The following RGS7 variants were observed in gnomAD, a reference collection of about 807,000 sequenced individuals.
The protein encoded by RGS7 is regulator of G protein signaling 7.
Under a neutral mutation model 81.1 loss-of-function variants are expected in RGS7, and 27 were observed. That is an observed-to-expected ratio of 0.33 (90% CI 0.25 to 0.46). The LOEUF is 0.46. Among genes scored for constraint, RGS7 ranks in the 20% least tolerant of loss-of-function variants. The pLI, the probability that RGS7 is intolerant of heterozygous loss-of-function variation, is 1.00. For missense variants in RGS7, 396 were observed against 607.4 expected, an observed-to-expected ratio of 0.65 and a Z score of 3.66; for synonymous variants, 208 against 207.7, an observed-to-expected ratio of 1.00 and a Z score of -0.01.
chr1:241,217,053 G>T (rs1573180058), intron 2 of RGS7, among the ~76,000 whole-genome samples: 1 of 152,300 alleles, frequency 6.6e-6, no homozygotes, highest in Admixed American at 6.5e-5. Flanking sequence ...ATATGTTGAA[G>T]TTCTAACCTC....
At chr1:241,084,077 A>C (rs2063300376) in intron 3 of RGS7, among the ~76,000 whole-genome samples, 1 of 152,232 alleles carries the variant, frequency 6.6e-6, no homozygotes, top group Admixed American at 6.5e-5. Flanking sequence ...AAAACAATTA[A>C]ATGCAGACTG....
intron 9 of RGS7, among the ~76,000 whole-genome samples, chr1:240,863,663 T>TA (rs1662672718): frequency 6.6e-6 from 1 of 152,112 alleles, no homozygotes; most frequent in East Asian, 1.9e-4. Flanking sequence ...ACATGTTAGT[T>TA]GGATTCCCCT....
At chr1:240,803,940 G>GT (rs1427511972) in intron 15 of RGS7, among the ~76,000 whole-genome samples, 2 of 151,804 alleles carry the variant, frequency 1.3e-5, no homozygotes, top group Non-Finnish European at 2.9e-5. Context: ...ATAATTTGAA[G>GT]TTACTTTAAA....
chr1:241,238,376 C>T (rs1277884560), intron 2 of RGS7, among the ~76,000 whole-genome samples: 1 of 152,116 alleles, frequency 6.6e-6, no homozygotes, highest in Non-Finnish European at 1.5e-5. Flanking sequence ...TGCAACCCAC[C>T]ATCTGAGTCC....
chr1:240,988,133 G>A (rs897812178), intron 3 of RGS7, among the ~76,000 whole-genome samples: 3 of 151,432 alleles, frequency 2.0e-5, no homozygotes, highest in South Asian at 2.1e-4. Context: ...ACAGATCATC[G>A]TTAAATGTTT....
chr1:241,168,967 T>C (rs1460589401), intron 2 of RGS7, among the ~76,000 whole-genome samples: 1 of 152,172 alleles, frequency 6.6e-6, no homozygotes, highest in African/African-American at 2.4e-5. Context: ...CTCAGAGCCT[T>C]CACATAAGAA....
At chr1:240,867,542 A>G (rs534692859) in intron 9 of RGS7, among the ~76,000 whole-genome samples, 1 of 152,302 alleles carries the variant, frequency 6.6e-6, no homozygotes, top group South Asian at 2.1e-4. Flanking sequence ...ATTCATTAAT[A>G]TTACTCTGAG....
intron 2 of RGS7, among the ~76,000 whole-genome samples, chr1:241,206,618 T>C (rs904822993): frequency 3.3e-5 from 5 of 152,212 alleles, no homozygotes; most frequent in African/African-American, 1.2e-4. Context: ...AACTGCCATC[T>C]ATGTGCCCAA....
intron 6 of RGS7, among the ~76,000 whole-genome samples, chr1:240,905,221 T>C (rs1345721528): frequency 6.6e-6 from 1 of 152,228 alleles, no homozygotes; most frequent in Non-Finnish European, 1.5e-5. Context: ...AAAAAAATCT[T>C]ATGTTCCATG....
Position 241,159,322 on chromosome 1 carries a change from ACTC to A in RGS7, c.79-60563_79-60561del, listed in dbSNP as rs2069439208. Among the ~76,000 whole-genome samples, 3 of 151,396 alleles carry A rather than the reference ACTC, an allele frequency of 2.0e-5. No homozygotes were observed. The South Asian group carries it at 6.3e-4, about 32-fold the overall frequency. On this transcript the variant is annotated intron_variant, in intron 2 of 18. Coordinates refer to ENST00000440928, the MANE Select transcript of RGS7 (RefSeq NM_001364886.1). The stretch of plus-strand genomic sequence containing the variant: ...TGTCTTCCTACACACTAAAGCCCTT[ACTC>A]CTCCTAATCGCCATGTTTTCATTAT...
In RGS7 at chr1:241,195,476, A is replaced by AAAAT. The variant is rs59191728; in HGVS notation, c.79-96718_79-96715dup. Reference sequence around the variant, plus strand: ...GGGTGAAAAGAGCAAGACTCCATCTAAAATAAATAAATAAATAAATAAATA... The same window carrying AAAAT: ...GGGTGAAAAGAGCAAGACTCCATCTAAAATAAATAAATAAATAAATAAATAAATA... On this transcript the variant is annotated intron_variant, in intron 2 of 18. Coordinates refer to ENST00000440928, the MANE Select transcript of RGS7 (RefSeq NM_001364886.1). 3.6e-3 allele frequency among the ~76,000 whole-genome samples: 549 copies of AAAAT among 152,020 alleles called. 1 individual carries two copies. Among genetic ancestry groups the AAAAT allele is most frequent in the Middle Eastern group, 0.014 (4 of 294 alleles).
chr1:241,068,830 C>T (rs2062251296), intron 3 of RGS7, among the ~76,000 whole-genome samples: 1 of 152,138 alleles, frequency 6.6e-6, no homozygotes, highest in African/African-American at 2.4e-5. Context: ...GAGGCGGGGC[C>T]TGTTGGGAGG....
intron 18 of RGS7, among the ~76,000 whole-genome samples, chr1:240,779,184 G>A (rs543613912): frequency 2.0e-5 from 3 of 151,508 alleles, no homozygotes; most frequent in Non-Finnish European, 4.4e-5. Context: ...GCGCAATCTC[G>A]GGTCACTGCA....
At chr1:241,334,582 G>A (rs1051104763) in intron 2 of RGS7, among the ~76,000 whole-genome samples, 1 of 152,048 alleles carries the variant, frequency 6.6e-6, no homozygotes, top group African/African-American at 2.4e-5. Context: ...TACCTTGCAG[G>A]GCAATACAGT....
intron 2 of RGS7, among the ~76,000 whole-genome samples, chr1:241,199,449 A>G (rs1434088445): frequency 6.6e-6 from 1 of 152,134 alleles, no homozygotes; most frequent in Non-Finnish European, 1.5e-5. Flanking sequence ...TTTATTTAGT[A>G]AACAGTATCT....
chr1:240,936,809 G>A (rs1433801001), intron 4 of RGS7, 103 bp from the exon 5 acceptor site: 2 of 843,076 alleles, frequency 2.4e-6, no homozygotes, highest in Non-Finnish European at 4.0e-6. Context: ...GATACAGTAA[G>A]TTCCTCTTGA....
chr1:241,201,627 A>G (rs116821626), intron 2 of RGS7, among the ~76,000 whole-genome samples: 1 of 152,176 alleles, frequency 6.6e-6, no homozygotes, highest in Non-Finnish European at 1.5e-5. Flanking sequence ...CTTTTTTTTA[A>G]TACATATATA....
chr1:241,015,764 TTC>T (rs2148674206), intron 3 of RGS7, among the ~76,000 whole-genome samples: 1 of 152,382 alleles, frequency 6.6e-6, no homozygotes, highest in East Asian at 1.9e-4. Flanking sequence ...AGATATTTTA[TTC>T]TTTTAAAAAC....
intron 2 of RGS7, among the ~76,000 whole-genome samples, chr1:241,166,808 A>T (rs2070289033): frequency 6.6e-6 from 1 of 152,152 alleles, no homozygotes; most frequent in Admixed American, 6.5e-5. Context: ...TGTGCTAAGA[A>T]CAATCTCTTG....
Sources: allele counts gnomAD v4.1 joint callset (sites outside exome capture counted in the v4.1 genomes callset), GRCh38; gene constraint gnomAD v4.1.1; transcripts MANE v1.5; gene names NCBI Gene and HGNC (gene_info 2026-07-23, HGNC 2026-07-21).